Variants in B4GALT1 observed in about 807,000 individuals in gnomAD.
B4GALT1 encodes the protein N-acetyllactosamine synthase.
A neutral mutation model predicts 34.9 loss-of-function variants in B4GALT1; 16 were observed. That is an observed-to-expected ratio of 0.46 (90% confidence interval 0.31 to 0.70). The LOEUF is 0.70. Among genes scored for constraint, B4GALT1 ranks in the 30% least tolerant of loss-of-function variants. The probability of loss-of-function intolerance (pLI) is 0.05; values close to 1 mark genes in which losing one functional copy is unlikely to be tolerated. For missense variants in B4GALT1, 445 were observed against 530.5 expected (o/e 0.84, Z 1.58); for synonymous variants, 221 against 218.1 (o/e 1.01, Z -0.12).
chr9:33,141,892 C>G (rs1413338231), intron 1 of B4GALT1, among the ~76,000 whole-genome samples: 1 of 152,152 alleles, frequency 6.6e-6, no homozygotes, highest in Non-Finnish European at 1.5e-5. Flanking sequence ...TGGAGAGCCA[C>G]CAGAAGGGAC....
In B4GALT1 at chr9:33,167,136, CGCT is replaced by C; in HGVS notation, c.31_33del (p.Ser11del). Reference sequence around the variant, plus strand: ...TGTAGGGACGCGCCTGGCATCGCGGCGCTGCCGCTCAGGAGCGGCTCCCGAAGC... The same window carrying C: ...TGTAGGGACGCGCCTGGCATCGCGGCGCCGCTCAGGAGCGGCTCCCGAAGC... On this transcript the variant is annotated inframe_deletion, in exon 1 of 6. Coordinates refer to ENST00000379731, the MANE Select transcript of B4GALT1 (RefSeq NM_001497.4). 6.2e-7 allele frequency: 1 copy of C among 1,601,160 alleles called. No individual in the cohort carries two copies. The highest frequency in any genetic ancestry group is 1.7e-4 in the Middle Eastern group (1 of 5,954).
At chr9:33,179,561 A>T in the B4GALT1 span, 1 of 152,238 alleles carries the variant, frequency 6.6e-6, no homozygotes, top group South Asian at 2.1e-4. Flanking sequence ...TTATACAAAC[A>T]GTCCCTGACT....
At chr9:33,113,942 G>C (rs1420193971) in intron 4 of B4GALT1, 64 bp from the exon 5 acceptor site, 8 of 1,445,994 alleles carry the variant, frequency 5.5e-6, no homozygotes, top group Non-Finnish European at 7.8e-6. Context: ...GAGAGCCCCG[G>C]CTGCAAGACT....
chr9:33,133,815 C>G (rs1044346720), intron 2 of B4GALT1, among the ~76,000 whole-genome samples: 7 of 152,174 alleles, frequency 4.6e-5, no homozygotes, highest in Non-Finnish European at 1.0e-4. Context: ...GACACCTGGT[C>G]CCAGAGCTTC....
At chr9:33,166,563 G>A (rs1246906975) in intron 1 of B4GALT1, among the ~76,000 whole-genome samples, 195 bp downstream of exon 1, 1 of 152,206 alleles carries the variant, frequency 6.6e-6, no homozygotes, top group Non-Finnish European at 1.5e-5. Context: ...CCTCCAACAG[G>A]ACTCCCCAGG....
intron 1 of B4GALT1, among the ~76,000 whole-genome samples, chr9:33,150,411 T>A (rs10971430): frequency 5.2e-4 from 76 of 144,764 alleles, no homozygotes; most frequent in Admixed American, 4.9e-4. Flanking sequence ...TTTTTAAAAA[T>A]AAAAAAAAAA....
downstream of B4GALT1, among the ~76,000 whole-genome samples, chr9:33,107,505 C>G (rs761010693): frequency 2.6e-5 from 4 of 152,206 alleles, no homozygotes; most frequent in East Asian, 7.7e-4. Context: ...TCATTCACCC[C>G]CAGGGGCAGC....
At chr9:33,135,060 G>T in intron 2 of B4GALT1, 129 bp downstream of exon 2, 1 of 946,930 alleles carries the variant, frequency 1.1e-6, no homozygotes, top group Non-Finnish European at 1.6e-6. Context: ...TGGCTGGGGG[G>T]CTGGTTCCTC....
chr9:33,157,555 GCAAA>G (rs1361395181), intron 1 of B4GALT1, among the ~76,000 whole-genome samples: 3 of 152,186 alleles, frequency 2.0e-5, no homozygotes, highest in Non-Finnish European at 2.9e-5. Context: ...ATGGCTGCAT[GCAAA>G]CAGTTTCACT....
At chr9:33,142,233 G>A (rs1037007451) in intron 1 of B4GALT1, among the ~76,000 whole-genome samples, 2 of 152,042 alleles carry the variant, frequency 1.3e-5, no homozygotes, top group African/African-American at 4.8e-5. Context: ...TGCCTGCCTC[G>A]GCCTCCCACA....
At chr9:33,122,145 G>C (rs1216045691) in intron 2 of B4GALT1, among the ~76,000 whole-genome samples, 1 of 152,112 alleles carries the variant, frequency 6.6e-6, no homozygotes, top group East Asian at 1.9e-4. Context: ...CTACTTTGGG[G>C]AAAAAGTGTG....
chr9:33,107,454 A>C (rs1205002019), downstream of B4GALT1, among the ~76,000 whole-genome samples: 1 of 151,708 alleles, frequency 6.6e-6, no homozygotes, highest in Non-Finnish European at 1.5e-5. Flanking sequence ...AGCTGGCCTC[A>C]GTCGAGAGCA....
At chr9:33,126,244 G>T (rs1477903017) in intron 2 of B4GALT1, among the ~76,000 whole-genome samples, 1 of 152,208 alleles carries the variant, frequency 6.6e-6, no homozygotes, top group Non-Finnish European at 1.5e-5. Context: ...AACAGTAACA[G>T]ATCAGCGGCA....
chr9:33,123,730 T>G (rs964195921), intron 2 of B4GALT1, among the ~76,000 whole-genome samples: 2 of 152,078 alleles, frequency 1.3e-5, no homozygotes, highest in Non-Finnish European at 2.9e-5. Flanking sequence ...AACTAAGCAT[T>G]TTTCCTCTCC....
At chr9:33,178,562 C>G in the B4GALT1 span, among the ~76,000 whole-genome samples, 1 of 152,186 alleles carries the variant, frequency 6.6e-6, no homozygotes. Context: ...CTGCTTCCTC[C>G]TCTCACCCCT....
chr9:33,138,474 C>T (rs988448905), intron 1 of B4GALT1, among the ~76,000 whole-genome samples: 8 of 152,106 alleles, frequency 5.3e-5, no homozygotes, highest in African/African-American at 1.9e-4. Flanking sequence ...CCCACCTTCC[C>T]TGCCCTCAGC....
At chr9:33,150,279 G>C (rs888899589) in intron 1 of B4GALT1, among the ~76,000 whole-genome samples, 1 of 150,968 alleles carries the variant, frequency 6.6e-6, no homozygotes, top group African/African-American at 2.4e-5. Flanking sequence ...GCGAGAGAGA[G>C]AGAGAGAGAG....
chr9:33,117,045 A>G (rs1237534383), intron 3 of B4GALT1, among the ~76,000 whole-genome samples: 1 of 152,146 alleles, frequency 6.6e-6, no homozygotes, highest in Non-Finnish European at 1.5e-5. Flanking sequence ...GTGGCTCAGG[A>G]ATCTGCTTCT....
chr9:33,123,961 C>G (rs2118077101), intron 2 of B4GALT1, among the ~76,000 whole-genome samples: 1 of 152,292 alleles, frequency 6.6e-6, no homozygotes, highest in Admixed American at 6.5e-5. Flanking sequence ...TATATCCCTC[C>G]CTTTCTCCCT....
Sources: gnomAD v4.1 joint callset for allele counts (sites outside exome capture counted in the v4.1 genomes callset) on GRCh38, gnomAD v4.1.1 for gene constraint, MANE v1.5 for transcripts, NCBI Gene and HGNC (gene_info 2026-07-23, HGNC 2026-07-21) for gene names.